Variants in ZNF33B observed in about 807,000 individuals in gnomAD.
The protein encoded by ZNF33B is zinc finger protein 11b (KOX 2).
Under a neutral mutation model 45.8 loss-of-function variants are expected in ZNF33B, and 29 were observed. That is an observed-to-expected ratio of 0.63 (90% CI 0.47 to 0.86). The LOEUF (loss-of-function observed/expected upper bound fraction) is 0.86. Ranked by LOEUF, ZNF33B falls within the 40% of genes least tolerant of loss-of-function variation. The pLI is 0.00. For missense variants in ZNF33B, 831 were observed against 909.9 expected (o/e 0.91, Z 1.12); for synonymous variants, 305 against 307.8 (o/e 0.99, Z 0.10).
At chr10:42,606,582 C>T (rs1266523198) in intron 4 of ZNF33B, among the ~76,000 whole-genome samples, 1 of 151,978 alleles carries the variant, frequency 6.6e-6, no homozygotes, top group Non-Finnish European at 1.5e-5. Flanking sequence ...GGTTAGTATA[C>T]CAAACTCTAC....
At position 42,592,381 on chromosome 10, in the gene ZNF33B, T is replaced by C. The variant is rs967970524; in HGVS notation, c.*232A>G. 4 of 651,080 alleles carry C rather than the reference T, an allele frequency of 6.1e-6. No homozygotes were observed. Among genetic ancestry groups the C allele is most frequent in the Non-Finnish European group, 9.1e-6 (4 of 438,828 alleles). 40.3% of individuals were successfully genotyped at this position (651,080 alleles called of 1,614,324 possible). On this transcript the variant is annotated 3_prime_UTR_variant, in exon 5 of 5. Coordinates refer to ENST00000359467, the MANE Select transcript of ZNF33B (RefSeq NM_006955.3). ...CAAATTCAAAAAAATCTGTGAGGTTTTATGCCAGTATTAACCATCTGATAT... is the reference window on the plus strand; with the variant it reads ...CAAATTCAAAAAAATCTGTGAGGTTCTATGCCAGTATTAACCATCTGATAT...
rs565416120 is a variant in ZNF33B at position 42,592,780 on chromosome 10, T to G, written c.2170A>C (p.Asn724His). Residue 724 changes from asparagine (N) to histidine (H), a missense_variant, in exon 5 of 5, where the codon AAT becomes CAT. Transcript: ENST00000359467. ...AHTGEKSCQC[N>H]ECGKIFYRKS... ...CGGTAAAAGATTTTTCCACATTCAT[T>G]ACACTGACAAGATTTCTCTCCTGTG... 5.6e-6 allele frequency: 9 copies of G among 1,614,148 alleles called. No individual in the cohort carries two copies. In the African/African-American group the frequency reaches 1.1e-4, roughly 19 times the overall value.
At chr10:42,623,434 T>G (rs1296459779) in intron 4 of ZNF33B, among the ~76,000 whole-genome samples, 1 of 152,212 alleles carries the variant, frequency 6.6e-6, no homozygotes, top group Non-Finnish European at 1.5e-5. Context: ...ACTGAAGCAT[T>G]ATTCACAACA....
chr10:42,602,920 T>C (rs1837687419), intron 4 of ZNF33B, among the ~76,000 whole-genome samples: 1 of 152,174 alleles, frequency 6.6e-6, no homozygotes, highest in Non-Finnish European at 1.5e-5. Flanking sequence ...GGCCTCTCTC[T>C]GTGTGCATCT....
intron 1 of ZNF33B, among the ~76,000 whole-genome samples, chr10:42,574,837 G>T (rs1364973893): frequency 6.6e-6 from 1 of 152,158 alleles, no homozygotes; most frequent in Non-Finnish European, 1.5e-5. Context: ...CTGTGGAAAA[G>T]ATAACACCTT....
At chr10:42,584,758 C>T (rs548164408), downstream of ZNF33B, among the ~76,000 whole-genome samples, 20 of 152,142 alleles carry the variant, frequency 1.3e-4, no homozygotes, top group Admixed American at 7.2e-4. Context: ...TGACCTCAGG[C>T]GATCCACCCA....
At position 42,592,403 on chromosome 10, in the gene ZNF33B, A is replaced by G. The variant is rs1754166652; in HGVS notation, c.*210T>C. ...GTTTTATGCCAGTATTAACCATCTG[A>G]TATTCAACAGAATATCACTTCCTAA... On this transcript the variant is annotated 3_prime_UTR_variant, in exon 5 of 5. Transcript: ENST00000359467. 1 of 756,348 alleles carries G rather than the reference A, an allele frequency of 1.3e-6. No individual in the cohort carries two copies. The highest frequency in any genetic ancestry group is 2.8e-5 in the South Asian group (1 of 36,216). 46.9% of individuals were successfully genotyped at this position (756,348 alleles called of 1,614,324 possible). A position where few individuals can be genotyped will look rare whatever the true frequency, so the allele number is the denominator to read the frequency against.
At chr10:42,632,082 A>T in intron 3 of ZNF33B, 58 bp from the exon 4 acceptor site, 1 of 1,558,030 alleles carries the variant, frequency 6.4e-7, no homozygotes, top group Non-Finnish European at 8.8e-7. Context: ...CAGGCCTTTG[A>T]AGCAGGAAGA....
At chr10:42,608,138 A>G (rs769456316) in intron 4 of ZNF33B, among the ~76,000 whole-genome samples, 14 of 152,192 alleles carry the variant, frequency 9.2e-5, no homozygotes, top group Non-Finnish European at 2.1e-4. Flanking sequence ...TAAAAGGGTC[A>G]ATCGATAAAG....
At chr10:42,607,551 G>T (rs978338664) in intron 4 of ZNF33B, among the ~76,000 whole-genome samples, 1 of 152,078 alleles carries the variant, frequency 6.6e-6, no homozygotes, top group Non-Finnish European at 1.5e-5. Context: ...ATATATTCAT[G>T]TCATGTAAAA....
intron 1 of ZNF33B, among the ~76,000 whole-genome samples, chr10:42,579,468 A>C (rs1317489511): frequency 6.6e-6 from 1 of 152,178 alleles, no homozygotes; most frequent in East Asian, 1.9e-4. Flanking sequence ...TAATGTTATG[A>C]ATGGCATGAG....
chr10:42,601,730 T>C (rs1212780768), intron 4 of ZNF33B, among the ~76,000 whole-genome samples: 1 of 151,916 alleles, frequency 6.6e-6, no homozygotes, highest in African/African-American at 2.4e-5. Context: ...CCTTGGCTTC[T>C]CAAAGTGCTG....
At chr10:42,584,594 C>G (rs1836893128), downstream of ZNF33B, among the ~76,000 whole-genome samples, 1 of 151,966 alleles carries the variant, frequency 6.6e-6, no homozygotes, top group African/African-American at 2.4e-5. Context: ...CATCTCGGCT[C>G]ACTGCAACCT....
intron 4 of ZNF33B, among the ~76,000 whole-genome samples, chr10:42,627,704 A>T (rs1254339994): frequency 6.6e-6 from 1 of 152,112 alleles, no homozygotes; most frequent in African/African-American, 2.4e-5. Context: ...CCTCCCACAT[A>T]TATTGATATG....
In ZNF33B at chr10:42,594,546, G is replaced by T; in HGVS notation, c.404C>A (p.Ser135Tyr). ...GTCATACTGACAGAACATTTTTCTG[G>T]AAGGAAAAGAACTTACGTCCATGTT... ...PFNMDVSSFP[S>Y]RKMFCQYDSR... The change falls in exon 5 of 5, where the codon TCC (serine) becomes TAC (tyrosine). Residue 135 changes from serine to tyrosine, a missense_variant. Physicochemically the swap from Ser to Tyr is moderately radical, Grantham distance 144. Transcript: ENST00000359467. The T allele has an allele frequency of 6.2e-7, 1 of 1,613,204 alleles. No homozygotes were observed. The highest frequency in any genetic ancestry group is 8.5e-7 in the Non-Finnish European group (1 of 1,179,654).
At chr10:42,601,013 T>A (rs1564505259) in intron 4 of ZNF33B, among the ~76,000 whole-genome samples, 1 of 152,236 alleles carries the variant, frequency 6.6e-6, no homozygotes, top group Non-Finnish European at 1.5e-5. Flanking sequence ...CAGCTTTGTT[T>A]AACTGGAATG....
At chr10:42,618,120 A>AAGTTTTGT (rs1838406253) in intron 4 of ZNF33B, among the ~76,000 whole-genome samples, 1 of 152,164 alleles carries the variant, frequency 6.6e-6, no homozygotes, top group Non-Finnish European at 1.5e-5. Context: ...TCTTGATATC[A>AAGTTTTGT]TTACCAGTTT....
At chr10:42,575,711 A>AT (rs1564486148) in intron 1 of ZNF33B, among the ~76,000 whole-genome samples, 1 of 143,556 alleles carries the variant, frequency 7.0e-6, no homozygotes, top group African/African-American at 2.6e-5. Context: ...ACTGCATAAT[A>AT]ATATATATAT....
chr10:42,598,069 A>C (rs1432423441), intron 4 of ZNF33B, among the ~76,000 whole-genome samples: 1 of 152,246 alleles, frequency 6.6e-6, no homozygotes, highest in African/African-American at 2.4e-5. Context: ...TCTCCCATCA[A>C]ATGAAATTCC....
Sources: gnomAD v4.1 joint callset for allele counts (sites outside exome capture counted in the v4.1 genomes callset) on GRCh38, gnomAD v4.1.1 for gene constraint, MANE v1.5 for transcripts, NCBI Gene and HGNC (gene_info 2026-07-23, HGNC 2026-07-21) for gene names.